Variants in SLC24A2 observed in about 807,000 individuals in gnomAD.
SLC24A2 encodes sodium/potassium/calcium exchanger 2.
A neutral mutation model predicts 62.0 loss-of-function variants in SLC24A2; 36 were observed. The observed-to-expected ratio is 0.58, with a 90% CI of 0.44 to 0.77. SLC24A2 has a LOEUF of 0.77. Among genes scored for constraint, SLC24A2 ranks in the 30% least tolerant of loss-of-function variants. The probability of loss-of-function intolerance (pLI) is 0.00; values close to 1 mark genes in which losing one functional copy is unlikely to be tolerated. For missense variants in SLC24A2, 846 were observed against 817.9 expected, an observed-to-expected ratio of 1.03 and a Z score of -0.42; for synonymous variants, 358 against 294.0, an observed-to-expected ratio of 1.22 and a Z score of -2.23.
the SLC24A2 span, among the ~76,000 whole-genome samples, chr9:19,905,919 GA>G: frequency 6.6e-6 from 1 of 152,084 alleles, no homozygotes. Flanking sequence ...ACAGATCAAC[GA>G]GACAGAAAGT....
chr9:19,636,413 T>C lies in SLC24A2; in HGVS notation c.931-14114A>G, dbSNP rs1333591348. Among the ~76,000 whole-genome samples, 519 of 52,748 alleles carry C rather than the reference T, an allele frequency of 9.8e-3. 45 individuals are homozygous for C. The highest frequency in any genetic ancestry group is 0.011 in the Non-Finnish European group (315 of 28,858). The allele number at this position is 52,748 out of a possible 152,430, so 34.6% of individuals were successfully genotyped here. A position where few individuals can be genotyped will look rare whatever the true frequency, so the allele number is the denominator to read the frequency against. On this transcript the variant is annotated intron_variant, in intron 2 of 10. Transcript: ENST00000341998. ...TCCCTCTCTCTCTCTCTCTCTTTCT[T>C]TCTTTCCTCTTCTCTTCTCTTCTCT...
rs188723842 is a variant in SLC24A2, at chr9:19,770,242, C to T, written c.930+15695G>A. On this transcript the variant is annotated intron_variant, in intron 2 of 10. Transcript: ENST00000341998. The stretch of plus-strand genomic sequence containing the variant: ...ATTGATCTTCTGGCATCTATTTGGC[C>T]GTTCAAAAGTTCTCTTGGTTTTGGA... 2.3e-3 allele frequency among the ~76,000 whole-genome samples: 351 copies of T among 151,734 alleles called. 1 individual carries two copies. Among genetic ancestry groups the T allele is most frequent in the African/African-American group, 6.1e-3 (252 of 41,380 alleles).
the SLC24A2 span, among the ~76,000 whole-genome samples, chr9:20,029,215 A>T: frequency 3.3e-5 from 5 of 152,190 alleles, no homozygotes; most frequent in Non-Finnish European, 4.4e-5. Context: ...TGTGGTTATG[A>T]TACAGCCCGT....
intron 4 of SLC24A2, among the ~76,000 whole-genome samples, chr9:19,610,169 T>G (rs958882394): frequency 6.6e-6 from 1 of 152,210 alleles, no homozygotes; most frequent in Non-Finnish European, 1.5e-5. Context: ...AATACAACTG[T>G]TGTTACAATG....
At chr9:19,577,068 G>A (rs1339348877) in intron 5 of SLC24A2, 46 bp from the exon 6 acceptor site, 1 of 1,504,280 alleles carries the variant, frequency 6.6e-7, no homozygotes, top group Non-Finnish European at 9.3e-7. Context: ...TGAGAAAGAA[G>A]AGAGTCTCAG....
chr9:19,665,589 C>T (rs928671940), intron 2 of SLC24A2, among the ~76,000 whole-genome samples: 1 of 152,020 alleles, frequency 6.6e-6, no homozygotes, highest in South Asian at 2.1e-4. Context: ...TAAGAGACGT[C>T]GGGTGAATCA....
the SLC24A2 span, among the ~76,000 whole-genome samples, chr9:20,122,053 G>T: frequency 1.4e-4 from 21 of 152,196 alleles, no homozygotes; most frequent in African/African-American, 4.6e-4. Flanking sequence ...GCATTTCACT[G>T]AGATGAGCTG....
chr9:20,047,704 G>A, the SLC24A2 span, among the ~76,000 whole-genome samples: 2 of 148,976 alleles, frequency 1.3e-5, no homozygotes, highest in African/African-American at 4.9e-5. Flanking sequence ...AGCCCTCTGG[G>A]GTCTCTTCAA....
the SLC24A2 span, among the ~76,000 whole-genome samples, chr9:19,868,333 A>G: frequency 3.3e-5 from 5 of 152,146 alleles, no homozygotes; most frequent in African/African-American, 1.2e-4. Flanking sequence ...AGATTTGTGA[A>G]CATACTTTTT....
At chr9:20,066,189 A>G in the SLC24A2 span, among the ~76,000 whole-genome samples, 1 of 152,204 alleles carries the variant, frequency 6.6e-6, no homozygotes, top group Non-Finnish European at 1.5e-5. Context: ...TGAACAATAA[A>G]AATGTTCCAG....
the SLC24A2 span, among the ~76,000 whole-genome samples, chr9:19,947,154 G>A: frequency 6.6e-6 from 1 of 152,188 alleles, no homozygotes; most frequent in Non-Finnish European, 1.5e-5. Flanking sequence ...CAATCAGCCA[G>A]ACCAACTGAG....
the SLC24A2 span, among the ~76,000 whole-genome samples, chr9:20,106,692 C>T: frequency 4.6e-5 from 7 of 152,220 alleles, no homozygotes; most frequent in Middle Eastern, 3.4e-3. Context: ...ATTGATGGGA[C>T]ATATCTCAAA....
At chr9:20,193,715 A>C in the SLC24A2 span, among the ~76,000 whole-genome samples, 2 of 152,128 alleles carry the variant, frequency 1.3e-5, no homozygotes, top group African/African-American at 4.8e-5. Context: ...GACATACAAA[A>C]AATAACTGAA....
At chr9:19,779,874 A>G (rs1202707490) in intron 2 of SLC24A2, among the ~76,000 whole-genome samples, 2 of 149,322 alleles carry the variant, frequency 1.3e-5, no homozygotes, top group Non-Finnish European at 3.0e-5. Context: ...CCTGGCTAAC[A>G]TGGTGAAACC....
the SLC24A2 span, among the ~76,000 whole-genome samples, chr9:19,825,419 A>T: frequency 1.3e-5 from 2 of 152,140 alleles, no homozygotes; most frequent in East Asian, 3.9e-4. Flanking sequence ...AGGAACTTAT[A>T]TCTACTCTGG....
At chr9:20,264,089 C>A in the SLC24A2 span, among the ~76,000 whole-genome samples, 1 of 152,102 alleles carries the variant, frequency 6.6e-6, no homozygotes, top group Admixed American at 6.6e-5. Flanking sequence ...CCCTGAGGGC[C>A]CCCATCCCAA....
the SLC24A2 span, among the ~76,000 whole-genome samples, chr9:20,184,638 T>C: frequency 6.6e-6 from 1 of 152,140 alleles, no homozygotes; most frequent in Non-Finnish European, 1.5e-5. Flanking sequence ...AAGGAAGCCC[T>C]TGCATAGGCT....
chr9:20,118,253 T>C, the SLC24A2 span, among the ~76,000 whole-genome samples: 2 of 152,162 alleles, frequency 1.3e-5, no homozygotes, highest in Non-Finnish European at 2.9e-5. Flanking sequence ...CAACTGCCAC[T>C]ACCAGTATGT....
In SLC24A2 at chr9:19,786,635, C is replaced by A. The variant is rs202194083; in HGVS notation, c.232G>T (p.Val78Leu). 20 of 1,613,990 alleles carry A rather than the reference C, an allele frequency of 1.2e-5. No individual in the cohort carries two copies. In the Admixed American group the frequency reaches 1.5e-4, roughly 12 times the overall value. ...GTTCTCTGATGGTAACCCTGTGCTA[C>A]CCTAGGGCCACTTACAACACTGGCC... ...GEASVVSGPR[V>L]AQGYHQRTLL... The change falls in exon 2 of 11, where the codon GTA becomes TTA. Residue 78 changes from valine (V) to leucine (L), a missense_variant. Physicochemically the swap from Val to Leu is conservative, Grantham distance 32. Transcript: ENST00000341998. This position sits in a 1 kb window ranked among gnomAD's most constrained non-coding sequence, Gnocchi z 5.0.
Sources: gnomAD v4.1 joint callset for allele counts (sites outside exome capture counted in the v4.1 genomes callset) on GRCh38, gnomAD v4.1.1 for gene constraint, Gnocchi (gnomAD v3.1) non-coding constraint, MANE v1.5 for transcripts, NCBI Gene and HGNC (gene_info 2026-07-23, HGNC 2026-07-21) for gene names.